WDPCP: variants seen among roughly 807,000 people sequenced by gnomAD.
WDPCP encodes WD repeat containing planar cell polarity effector.
In WDPCP, 71 loss-of-function variants were observed where a neutral mutation model predicts 93.1. That is an observed-to-expected ratio of 0.76 (90% CI 0.63 to 0.93). The LOEUF is 0.93. WDPCP is among the 40% of genes least tolerant of loss of function. WDPCP has a pLI of 0.00. For synonymous variants in WDPCP, 315 were observed against 315.0 expected, an observed-to-expected ratio of 1.00 and a Z score of 0.00; for missense variants, 844 against 887.4, an observed-to-expected ratio of 0.95 and a Z score of 0.62.
At chr2:63,795,360 A>G (rs2104015521) in intron 2 of WDPCP, among the ~76,000 whole-genome samples, 1 of 152,134 alleles carries the variant, frequency 6.6e-6, no homozygotes, top group South Asian at 2.1e-4. Flanking sequence ...AGTATTAGGG[A>G]AAATGGTAAG....
At chr2:63,469,902 T>A (rs1699594027) in intron 6 of WDPCP, among the ~76,000 whole-genome samples, 1 of 152,200 alleles carries the variant, frequency 6.6e-6, no homozygotes, top group Non-Finnish European at 1.5e-5. Context: ...TCACCTTCCA[T>A]TGAAACTGCT....
At chr2:63,510,295 A>G (rs1702147171) in intron 1 of WDPCP, among the ~76,000 whole-genome samples, 1 of 152,166 alleles carries the variant, frequency 6.6e-6, no homozygotes, top group Admixed American at 6.6e-5. Flanking sequence ...ATCAATAAGC[A>G]TAATTCATCA....
At chr2:63,575,428 GTGTATATACAGTGTATA>G (rs1707923292) in intron 1 of WDPCP, among the ~76,000 whole-genome samples, 1 of 30,074 alleles carries the variant, frequency 3.3e-5, no homozygotes, top group Non-Finnish European at 6.8e-5. Context: ...ACTGTATACA[GTGTATATACAGTGTATA>G]CACTGTATAT....
intron 3 of WDPCP, among the ~76,000 whole-genome samples, chr2:63,635,594 A>G (rs1018028100): frequency 6.6e-6 from 1 of 152,214 alleles, no homozygotes; most frequent in Non-Finnish European, 1.5e-5. Context: ...TTAACAGAAT[A>G]AAGGATAAAA....
intron 2 of WDPCP, among the ~76,000 whole-genome samples, chr2:63,688,382 G>A (rs967130360): frequency 7.9e-5 from 12 of 151,430 alleles, no homozygotes; most frequent in Admixed American, 3.9e-4. Flanking sequence ...AGCCGAGATC[G>A]CTCCACTGTA....
At chr2:63,230,849 G>C (rs1221478416) in intron 14 of WDPCP, among the ~76,000 whole-genome samples, 1 of 152,050 alleles carries the variant, frequency 6.6e-6, no homozygotes, top group East Asian at 1.9e-4. Flanking sequence ...TGTCAGATGG[G>C]TAGATTGCAA....
chr2:63,691,873 AGTGTGTGTGT>A (rs71393325), intron 2 of WDPCP, among the ~76,000 whole-genome samples: 1,783 of 145,164 alleles, frequency 0.012, 15 homozygotes, highest in Non-Finnish European at 0.014. Context: ...TATACTACAA[AGTGTGTGTGT>A]GTGTGTGTGT....
chr2:63,554,898 C>T (rs1705964124), intron 1 of WDPCP, among the ~76,000 whole-genome samples: 2 of 152,132 alleles, frequency 1.3e-5, no homozygotes, highest in Admixed American at 1.3e-4. Flanking sequence ...AAAGGAAGCT[C>T]CCACCCCTCA....
chr2:63,245,863 C>G (rs577949895), intron 14 of WDPCP, among the ~76,000 whole-genome samples: 27 of 152,226 alleles, frequency 1.8e-4, no homozygotes, highest in African/African-American at 6.5e-4. Context: ...ATCAGGATAA[C>G]TGGGGTATCC....
intron 13 of WDPCP, among the ~76,000 whole-genome samples, chr2:63,294,223 G>T (rs1170324259): frequency 6.6e-6 from 1 of 152,214 alleles, no homozygotes; most frequent in Non-Finnish European, 1.5e-5. Flanking sequence ...GCCAAAAGAG[G>T]CCAGGGATGG....
intron 12 of WDPCP, among the ~76,000 whole-genome samples, chr2:63,337,625 G>T (rs781541119): frequency 6.6e-6 from 1 of 152,068 alleles, no homozygotes; most frequent in Non-Finnish European, 1.5e-5. Flanking sequence ...TCTCACCAAC[G>T]GTGTATAAGA....
chr2:63,180,619 A>G (rs1311859726), intron 14 of WDPCP, among the ~76,000 whole-genome samples: 1 of 152,080 alleles, frequency 6.6e-6, no homozygotes. Flanking sequence ...TCTCTTTGGT[A>G]TTGTGAATAG....
chr2:63,381,834 C>A (rs753377473), intron 11 of WDPCP, 72 bp downstream of exon 11: 51 of 1,537,992 alleles, frequency 3.3e-5, no homozygotes, highest in African/African-American at 4.1e-5. Flanking sequence ...AAAACAACCT[C>A]AAAAAATAAC....
chr2:63,612,087 A>G (rs1023360416), intron 3 of WDPCP, among the ~76,000 whole-genome samples: 1 of 152,206 alleles, frequency 6.6e-6, no homozygotes, highest in South Asian at 2.1e-4. Context: ...CCCTAGTCCA[A>G]TCCAGACTTG....
At chr2:63,183,513 T>G (rs953191950) in intron 14 of WDPCP, among the ~76,000 whole-genome samples, 11 of 152,160 alleles carry the variant, frequency 7.2e-5, no homozygotes, top group African/African-American at 2.7e-4. Context: ...ATTTCAATTT[T>G]TAAAAATTTA....
chr2:63,195,061 G>A (rs1023612855), intron 14 of WDPCP, among the ~76,000 whole-genome samples: 4 of 152,066 alleles, frequency 2.6e-5, no homozygotes, highest in African/African-American at 9.7e-5. Context: ...ATATAAACAA[G>A]TGACTAGTCT....
chr2:63,342,709 A>T lies in WDPCP; in HGVS notation c.1749-29398T>A, dbSNP rs536390645. Among the ~76,000 whole-genome samples the T allele has an allele frequency of 2.9e-3, 435 of 152,330 alleles. 2 individuals are homozygous for T. Among genetic ancestry groups the T allele is most frequent in the African/African-American group, 1.0e-2 (415 of 41,580 alleles). ...GTATATATATTGTATCCCCATTTAC[A>T]TAGGTTTTAATTATTGTTTCATGTA... On this transcript the variant is annotated intron_variant, in intron 12 of 17. Coordinates refer to ENST00000272321, the MANE Select transcript of WDPCP (RefSeq NM_015910.7).
intron 1 of WDPCP, among the ~76,000 whole-genome samples, chr2:63,504,909 C>T (rs1186428447): frequency 6.6e-6 from 1 of 151,984 alleles, no homozygotes; most frequent in Non-Finnish European, 1.5e-5. Flanking sequence ...GCTTAGCAAA[C>T]TTCACAGATG....
intron 2 of WDPCP, among the ~76,000 whole-genome samples, chr2:63,747,923 G>A (rs1011203858): frequency 6.6e-6 from 1 of 151,780 alleles, no homozygotes; most frequent in Non-Finnish European, 1.5e-5. Flanking sequence ...TAAAAGTTTT[G>A]TATATTCTGT....
Sources: gnomAD v4.1 joint callset for allele counts (sites outside exome capture counted in the v4.1 genomes callset) on GRCh38, gnomAD v4.1.1 for gene constraint, MANE v1.5 for transcripts, NCBI Gene and HGNC (gene_info 2026-07-23, HGNC 2026-07-21) for gene names.